TSPAN18: variants seen among roughly 807,000 people sequenced by gnomAD.
TSPAN18 encodes tetraspanin 18.
A neutral mutation model predicts 27.3 loss-of-function variants in TSPAN18; 14 were observed. The ratio of observed to expected loss-of-function variants is 0.51; its 90% CI spans 0.34 to 0.80. TSPAN18 has a LOEUF of 0.80. Ranked by LOEUF, TSPAN18 falls within the 30% of genes least tolerant of loss-of-function variation. The probability of loss-of-function intolerance (pLI) is 0.01; values close to 1 mark genes in which losing one functional copy is unlikely to be tolerated. For missense variants in TSPAN18, 268 were observed against 323.9 expected, an observed-to-expected ratio of 0.83 and a Z score of 1.32; for synonymous variants, 143 against 136.5, an observed-to-expected ratio of 1.05 and a Z score of -0.33.
intron 3 of TSPAN18, among the ~76,000 whole-genome samples, chr11:44,860,729 C>G (rs1364614459): frequency 2.0e-5 from 3 of 152,200 alleles, no homozygotes; most frequent in African/African-American, 7.2e-5. Flanking sequence ...GCTGAGAAGG[C>G]TGAGGTGCAG....
chr11:44,727,540 G>A (rs534659020), intron 1 of TSPAN18, among the ~76,000 whole-genome samples: 80 of 152,340 alleles, frequency 5.3e-4, no homozygotes, highest in Admixed American at 1.4e-3. Context: ...GCCCAGGACA[G>A]GTGCAGAGCC....
chr11:44,925,172 G>A (rs1860305279), intron 8 of TSPAN18, among the ~76,000 whole-genome samples: 1 of 152,238 alleles, frequency 6.6e-6, no homozygotes, highest in Admixed American at 6.5e-5. Flanking sequence ...CTGGGCTTGA[G>A]GTCTTTCAAA....
chr11:44,888,266 G>A (rs986598433), intron 3 of TSPAN18, among the ~76,000 whole-genome samples: 5 of 152,246 alleles, frequency 3.3e-5, no homozygotes, highest in South Asian at 2.1e-4. Flanking sequence ...TTCTCTCACC[G>A]ACTGGGCCAC....
At chr11:44,863,431 C>T (rs1287594527) in intron 3 of TSPAN18, among the ~76,000 whole-genome samples, 1 of 152,196 alleles carries the variant, frequency 6.6e-6, no homozygotes, top group African/African-American at 2.4e-5. Flanking sequence ...TTTAGTAGCG[C>T]CTCCCTTTTC....
intron 1 of TSPAN18, among the ~76,000 whole-genome samples, chr11:44,754,530 G>A (rs756521745): frequency 6.6e-6 from 1 of 152,240 alleles, no homozygotes; most frequent in Non-Finnish European, 1.5e-5. Flanking sequence ...ATGTGCCAAA[G>A]CACTGGCTGT....
intron 9 of TSPAN18, among the ~76,000 whole-genome samples, chr11:44,927,601 T>C (rs1281166008): frequency 6.6e-6 from 1 of 152,182 alleles, no homozygotes; most frequent in African/African-American, 2.4e-5. Flanking sequence ...GGAGGGGTCA[T>C]TGATTATTCA....
intron 3 of TSPAN18, among the ~76,000 whole-genome samples, chr11:44,867,322 C>T (rs1334590290): frequency 6.7e-6 from 1 of 150,308 alleles, no homozygotes; most frequent in African/African-American, 2.5e-5. Context: ...TGCAATGCAT[C>T]AGCCCATAGA....
intron 1 of TSPAN18, among the ~76,000 whole-genome samples, chr11:44,748,508 T>C (rs368323509): frequency 2.0e-5 from 3 of 152,340 alleles, no homozygotes; most frequent in African/African-American, 7.2e-5. Flanking sequence ...GTGAGTGGAC[T>C]GGATCTCATT....
chr11:44,766,539 T>C (rs975926703), intron 2 of TSPAN18, among the ~76,000 whole-genome samples: 9 of 152,232 alleles, frequency 5.9e-5, no homozygotes, highest in African/African-American at 2.2e-4. Flanking sequence ...GGGACGTTTC[T>C]CCATCAGGGG....
intron 2 of TSPAN18, among the ~76,000 whole-genome samples, chr11:44,774,295 T>G (rs1404187284): frequency 1.3e-5 from 2 of 152,128 alleles, no homozygotes; most frequent in African/African-American, 4.8e-5. Context: ...CCCAGGGGTG[T>G]GGTATCTGCT....
intron 3 of TSPAN18, among the ~76,000 whole-genome samples, chr11:44,881,799 G>T (rs952632630): frequency 6.6e-5 from 10 of 152,168 alleles, no homozygotes; most frequent in African/African-American, 2.4e-4. Flanking sequence ...GTCTCCAGTT[G>T]CAGGCACCCA....
intron 2 of TSPAN18, among the ~76,000 whole-genome samples, chr11:44,800,701 C>A (rs1489370556): frequency 2.0e-5 from 3 of 152,224 alleles, no homozygotes; most frequent in African/African-American, 4.8e-5. Flanking sequence ...CTACCTGGAA[C>A]AGATTTGGCC....
At chr11:44,734,274 AAC>A (rs1045410755) in intron 1 of TSPAN18, among the ~76,000 whole-genome samples, 8 of 152,338 alleles carry the variant, frequency 5.3e-5, no homozygotes, top group Admixed American at 5.2e-4. Context: ...CCTTTGTAGC[AAC>A]ACACACGGAC....
intron 1 of TSPAN18, among the ~76,000 whole-genome samples, chr11:44,748,657 C>T (rs1417693563): frequency 6.6e-6 from 1 of 152,204 alleles, no homozygotes; most frequent in Non-Finnish European, 1.5e-5. Flanking sequence ...ATTTACTCTT[C>T]ACTTTAGAGA....
chr11:44,898,017 C>G (rs1331873926), intron 3 of TSPAN18, among the ~76,000 whole-genome samples: 5 of 152,170 alleles, frequency 3.3e-5, no homozygotes, highest in Non-Finnish European at 5.9e-5. Flanking sequence ...TCTTTTTGCT[C>G]TTTTCCCACT....
At chr11:44,780,666 G>A (rs968797411) in intron 2 of TSPAN18, among the ~76,000 whole-genome samples, 3 of 152,202 alleles carry the variant, frequency 2.0e-5, no homozygotes, top group Admixed American at 6.5e-5. Context: ...TTCCAGTCCT[G>A]GAATCCAGTC....
At chr11:44,878,225 C>T (rs886351977) in intron 3 of TSPAN18, among the ~76,000 whole-genome samples, 3 of 152,016 alleles carry the variant, frequency 2.0e-5, no homozygotes, top group African/African-American at 7.2e-5. Flanking sequence ...TTACGTGTTC[C>T]AATTAGAGCG....
At chr11:44,922,798 G>A (rs1454642921) in intron 8 of TSPAN18, among the ~76,000 whole-genome samples, 1 of 152,138 alleles carries the variant, frequency 6.6e-6, no homozygotes, top group African/African-American at 2.4e-5. Context: ...ATTCAGTCTG[G>A]GGCATGTTGC....
intron 2 of TSPAN18, among the ~76,000 whole-genome samples, chr11:44,853,322 T>C (rs574256922): frequency 3.3e-5 from 5 of 152,008 alleles, no homozygotes; most frequent in South Asian, 2.1e-4. Flanking sequence ...AGGGGCCTCA[T>C]TGAGGAGATG....
Sources: allele counts gnomAD v4.1 joint callset (sites outside exome capture counted in the v4.1 genomes callset), GRCh38; gene constraint gnomAD v4.1.1; transcripts MANE v1.5; gene names NCBI Gene and HGNC (gene_info 2026-07-23, HGNC 2026-07-21).